The following FAM3D variants were observed in gnomAD, a reference collection of about 807,000 sequenced individuals.
FAM3D encodes FAM3 metabolism regulating signaling molecule D.
A neutral mutation model predicts 29.8 loss-of-function variants in FAM3D; 26 were observed. The observed-to-expected ratio is 0.87, with a 90% CI of 0.64 to 1.21. FAM3D has a LOEUF of 1.21. Ranked by LOEUF, FAM3D falls within the 50% of genes most tolerant of loss-of-function variation. The pLI is 0.00. For synonymous variants in FAM3D, 115 were observed against 102.3 expected (o/e 1.12, Z -0.75); for missense variants, 253 against 290.9 (o/e 0.87, Z 0.95).
chr3:58,653,166 G>T (rs886393292), intron 3 of FAM3D, among the ~76,000 whole-genome samples: 1 of 152,136 alleles, frequency 6.6e-6, no homozygotes, highest in Non-Finnish European at 1.5e-5. Context: ...GAAAGGAAAA[G>T]CCTGACATGA....
intron 6 of FAM3D, among the ~76,000 whole-genome samples, chr3:58,641,769 A>C (rs577994553): frequency 1.3e-5 from 2 of 152,250 alleles, no homozygotes; most frequent in Non-Finnish European, 2.9e-5. Context: ...AGGCACAGTA[A>C]GTGCCCAATA....
chr3:58,651,186 C>A (rs908151073), intron 3 of FAM3D, among the ~76,000 whole-genome samples: 2 of 152,166 alleles, frequency 1.3e-5, no homozygotes, highest in African/African-American at 4.8e-5. Flanking sequence ...CTCCAACAGA[C>A]TGTGTTATTA....
chr3:58,647,935 T>C (rs2066525325), intron 4 of FAM3D, among the ~76,000 whole-genome samples: 2 of 152,198 alleles, frequency 1.3e-5, no homozygotes, highest in African/African-American at 4.8e-5. Flanking sequence ...AATCAGGAAG[T>C]TGGTTTAGAT....
chr3:58,641,142 T>A (rs979467032), intron 6 of FAM3D, among the ~76,000 whole-genome samples: 4 of 152,260 alleles, frequency 2.6e-5, no homozygotes, highest in African/African-American at 9.6e-5. Flanking sequence ...TGTGTTGTTC[T>A]TGGTCATATA....
At chr3:58,636,598 C>T (rs2066179620) in intron 8 of FAM3D, among the ~76,000 whole-genome samples, 178 bp from the exon 9 acceptor site, 1 of 152,200 alleles carries the variant, frequency 6.6e-6, no homozygotes, top group African/African-American at 2.4e-5. Flanking sequence ...AAGACTTCCT[C>T]TCTAAAAGGG....
chr3:58,643,879 A>G (rs376264158), intron 5 of FAM3D, among the ~76,000 whole-genome samples, 159 bp from the exon 6 acceptor site: 38 of 152,354 alleles, frequency 2.5e-4, no homozygotes, highest in African/African-American at 8.9e-4. Flanking sequence ...CCTGAAAACT[A>G]GTGGTGGGCT....
chr3:58,651,231 T>A (rs1279050780), intron 3 of FAM3D, among the ~76,000 whole-genome samples: 1 of 152,352 alleles, frequency 6.6e-6, no homozygotes, highest in East Asian at 1.9e-4. Context: ...AAACCAATTA[T>A]ATATCAATAT....
chr3:58,645,674 C>T lies in FAM3D; in HGVS notation c.146-48G>A, dbSNP rs373820724. ...TTGGTGGGCAGAAGCTCAGGAGGTA[C>T]TTGGGGGAGAAGGAGGGGAGGGCCA... On this transcript the variant is annotated intron_variant, in intron 4 of 9. Coordinates refer to ENST00000358781, the MANE Select transcript of FAM3D (RefSeq NM_138805.3). 2.2e-5 allele frequency: 33 copies of T among 1,533,970 alleles called. 1 individual carries two copies. The highest frequency in any genetic ancestry group is 3.4e-5 in the Admixed American group (2 of 59,700).
At chr3:58,649,472 C>T (rs1559502569) in intron 3 of FAM3D, 134 bp from the exon 4 acceptor site, 2 of 953,066 alleles carry the variant, frequency 2.1e-6, no homozygotes, top group Admixed American at 2.1e-5. Flanking sequence ...CTAAAAATGC[C>T]TTGCCACTGT....
At chr3:58,664,103 T>C (rs2066984512) in intron 1 of FAM3D, among the ~76,000 whole-genome samples, 1 of 64,058 alleles carries the variant, frequency 1.6e-5, no homozygotes, top group Non-Finnish European at 4.2e-5. Flanking sequence ...CTACCGTTCA[T>C]AGCCTTGCCA....
At chr3:58,656,834 A>G (rs983899048) in intron 1 of FAM3D, among the ~76,000 whole-genome samples, 1 of 152,204 alleles carries the variant, frequency 6.6e-6, no homozygotes, top group African/African-American at 2.4e-5. Flanking sequence ...ACCTTGAGCA[A>G]GTCTATTCGC....
At chr3:58,643,192 C>T (rs9854560) in intron 6 of FAM3D, among the ~76,000 whole-genome samples, 3,455 of 152,318 alleles carry the variant, frequency 0.023, 127 homozygotes, top group East Asian at 0.15. Context: ...CGGATACCTA[C>T]GGAGGCTGTG....
chr3:58,653,079 C>T (rs182185788), intron 3 of FAM3D, among the ~76,000 whole-genome samples: 1 of 152,228 alleles, frequency 6.6e-6, no homozygotes, highest in Admixed American at 6.5e-5. Flanking sequence ...CTTCAGGAAG[C>T]TCACATTCTA....
intron 1 of FAM3D, among the ~76,000 whole-genome samples, chr3:58,656,383 G>A (rs2066800818): frequency 6.6e-6 from 1 of 152,156 alleles, no homozygotes; most frequent in Non-Finnish European, 1.5e-5. Context: ...AACACTCCCT[G>A]AAACCCCTCT....
At chr3:58,637,063 G>C in intron 8 of FAM3D, 78 bp downstream of exon 8, 1 of 1,234,524 alleles carries the variant, frequency 8.1e-7, no homozygotes, top group Non-Finnish European at 1.2e-6. Context: ...TGGCAAAAGA[G>C]CAGAAAAGGG....
At chr3:58,666,145 G>GT (rs2067025972) in intron 1 of FAM3D, among the ~76,000 whole-genome samples, 1 of 152,114 alleles carries the variant, frequency 6.6e-6, no homozygotes, top group Non-Finnish European at 1.5e-5. Flanking sequence ...ATTGGAATGT[G>GT]TTTTTTTGAA....
chr3:58,657,949 C>T (rs1455239192), intron 1 of FAM3D, among the ~76,000 whole-genome samples: 1 of 152,152 alleles, frequency 6.6e-6, no homozygotes, highest in East Asian at 1.9e-4. Context: ...GTTCTATTGC[C>T]CTGGATGCTT....
At chr3:58,647,547 C>G (rs72877731) in intron 4 of FAM3D, among the ~76,000 whole-genome samples, 4,998 of 152,322 alleles carry the variant, frequency 0.033, 108 homozygotes, top group South Asian at 0.077. Context: ...TTGCCCAGAG[C>G]CTAATCAATT....
chr3:58,661,717 G>A (rs550748065), intron 1 of FAM3D, among the ~76,000 whole-genome samples: 7 of 152,232 alleles, frequency 4.6e-5, no homozygotes, highest in African/African-American at 1.4e-4. Flanking sequence ...TGGCCATCAC[G>A]ATCTCTAATT....
Sources: gnomAD v4.1 joint callset for allele counts (sites outside exome capture counted in the v4.1 genomes callset) on GRCh38, gnomAD v4.1.1 for gene constraint, MANE v1.5 for transcripts, NCBI Gene and HGNC (gene_info 2026-07-23, HGNC 2026-07-21) for gene names.